The following MTF2 variants were observed in gnomAD, a reference collection of about 807,000 sequenced individuals.
MTF2 encodes the protein metal-response element-binding transcription factor 2.
MTF2 carries 11 observed loss-of-function variants against 79.5 expected under a neutral mutation model. That is an observed-to-expected ratio of 0.14 (90% CI 0.09 to 0.23). The LOEUF is 0.23. MTF2 is among the 10% of genes least tolerant of loss of function. The pLI, the probability that MTF2 is intolerant of heterozygous loss-of-function variation, is 1.00. For missense variants in MTF2, 486 were observed against 711.2 expected (o/e 0.68, Z 3.60); for synonymous variants, 208 against 232.8 (o/e 0.89, Z 0.97).
At chr1:93,111,204 G>C (rs1041585027) in intron 3 of MTF2, among the ~76,000 whole-genome samples, 1 of 152,064 alleles carries the variant, frequency 6.6e-6, no homozygotes, top group Admixed American at 6.5e-5. Context: ...ATTGTTTCAT[G>C]CTTTTAGCAT....
intron 11 of MTF2, 109 bp downstream of exon 11, chr1:93,129,557 G>GTT: frequency 6.0e-6 from 3 of 500,748 alleles, no homozygotes; most frequent in Non-Finnish European, 8.8e-6. Flanking sequence ...CAGTTACTCT[G>GTT]ATTTTTTTTT....
At chr1:93,127,900 T>C (rs535472222) in intron 10 of MTF2, among the ~76,000 whole-genome samples, 4 of 152,234 alleles carry the variant, frequency 2.6e-5, no homozygotes, top group African/African-American at 9.6e-5. Context: ...CTTAGAAACA[T>C]TTTTAAATGC....
rs772265842 is a variant in MTF2 at position 93,133,728 on chromosome 1, AAAG to A, written c.1187_1189del (p.Lys396_Gly397delinsArg). On this transcript the variant is annotated inframe_deletion, in exon 12 of 15. Transcript: ENST00000370298. ...GGAAGTAAGCAATGGCATAGAAAAA[AAAG>A]GAAAGAAAAAATCTGTAGGTCGTCC... The A allele has an allele frequency of 3.1e-6, 5 of 1,611,702 alleles. No individual in the cohort carries two copies. Among genetic ancestry groups the A allele is most frequent in the Non-Finnish European group, 1.7e-6 (2 of 1,179,230 alleles).
chr1:93,138,395 C>G lies in MTF2; in HGVS notation c.*1368C>G, dbSNP rs997919927. The G allele has an allele frequency of 6.6e-6, 1 of 151,944 alleles. No individual in the cohort carries two copies. The highest frequency in any genetic ancestry group is 6.6e-5 in the Admixed American group (1 of 15,252). The allele number at this position is 151,944 out of a possible 1,614,324, so 9.4% of individuals were successfully genotyped here. On this transcript the variant is annotated 3_prime_UTR_variant, in exon 15 of 15. Transcript: ENST00000370298. ...TTTAGACTAATTATGGGGGAATTTGCCACCAAAATAAAAAATATGTAAAGT... is the reference window on the plus strand; with the variant it reads ...TTTAGACTAATTATGGGGGAATTTGGCACCAAAATAAAAAATATGTAAAGT...
intron 9 of MTF2, among the ~76,000 whole-genome samples, chr1:93,122,151 A>G (rs1462882885): frequency 1.3e-5 from 2 of 152,196 alleles, no homozygotes; most frequent in Admixed American, 6.5e-5. Flanking sequence ...AGTAAGGGGT[A>G]AGGCATTAGA....
intron 1 of MTF2, among the ~76,000 whole-genome samples, chr1:93,084,137 C>G (rs1384740907): frequency 6.6e-6 from 1 of 151,686 alleles, no homozygotes; most frequent in Non-Finnish European, 1.5e-5. Flanking sequence ...CATTTAGGTC[C>G]GTCATCTATT....
At chr1:93,115,375 A>G (rs1197050964) in intron 5 of MTF2, 95 bp from the exon 6 acceptor site, 7 of 1,060,048 alleles carry the variant, frequency 6.6e-6, no homozygotes, top group African/African-American at 1.6e-5. Flanking sequence ...TTGGAAAGGA[A>G]ATTTCTCCAG....
intron 9 of MTF2, among the ~76,000 whole-genome samples, 157 bp from the exon 10 acceptor site, chr1:93,127,075 T>A (rs558469462): frequency 1.3e-5 from 2 of 152,250 alleles, no homozygotes; most frequent in Admixed American, 1.3e-4. Flanking sequence ...TGGCCCTAGG[T>A]CACATAATAG....
At chr1:93,131,046 AGGTGATACAAATTTGGAATCT>A (rs1571254379) in intron 11 of MTF2, among the ~76,000 whole-genome samples, 4 of 152,188 alleles carry the variant, frequency 2.6e-5, no homozygotes, top group Admixed American at 2.6e-4. Context: ...AGGTCTGGGC[AGGTGATACAAATTTGGAATCT>A]GATTGATAAA....
intron 1 of MTF2, among the ~76,000 whole-genome samples, chr1:93,102,978 A>G (rs1479996338): frequency 6.6e-6 from 1 of 151,926 alleles, no homozygotes; most frequent in African/African-American, 2.4e-5. Flanking sequence ...AAAATATGAA[A>G]AAAATTAGCC....
chr1:93,083,821 C>G (rs1242869793), intron 1 of MTF2, among the ~76,000 whole-genome samples: 1 of 152,144 alleles, frequency 6.6e-6, no homozygotes, highest in African/African-American at 2.4e-5. Flanking sequence ...TCACTTATGG[C>G]TAATTATATT....
In MTF2 at chr1:93,110,587, A is replaced by G. The variant is rs776901012; in HGVS notation, c.247A>G (p.Ser83Gly). ...KQSCFIIFEDSSKSWVLWKDI... is the reference protein window; with the variant it reads ...KQSCFIIFEDGSKSWVLWKDI... The stretch of plus-strand genomic sequence containing the variant: ...GAGCTGCTTCATCATATTTGAAGAC[A>G]GTTCTAAATCCTGGGTTCTCTGGAA... Residue 83 changes from serine to glycine, a missense_variant, in exon 3 of 15, where the codon AGT becomes GGT. Transcript: ENST00000370298. 6.2e-7 allele frequency: 1 copy of G among 1,613,812 alleles called. No individual in the cohort carries two copies. Among genetic ancestry groups the G allele is most frequent in the Non-Finnish European group, 8.5e-7 (1 of 1,179,760 alleles).
At chr1:93,104,568 A>G (rs1307260696) in intron 1 of MTF2, among the ~76,000 whole-genome samples, 4 of 151,378 alleles carry the variant, frequency 2.6e-5, no homozygotes, top group Admixed American at 6.6e-5. Context: ...AATCCCAGCT[A>G]TCCGGGAGGC....
rs1403235513 is a variant in MTF2, at chr1:93,079,383, G to A, written c.-144G>A. ...TCTACCCCCAACCCTTGTCTCCAAG[G>A]ACCTCGGTTTGTGCGTGCATATGTG... On this transcript the variant is annotated 5_prime_UTR_variant, in exon 1 of 15. Transcript: ENST00000370298. The A allele has an allele frequency of 2.0e-6, 2 of 982,628 alleles. No individual in the cohort carries two copies. The highest frequency in any genetic ancestry group is 1.4e-5 in the South Asian group (1 of 73,808). 60.9% of individuals were successfully genotyped at this position (982,628 alleles called of 1,614,324 possible). A position where few individuals can be genotyped will look rare whatever the true frequency, so the allele number is the denominator to read the frequency against.
At chr1:93,087,335 G>A (rs556703189) in intron 1 of MTF2, among the ~76,000 whole-genome samples, 6 of 152,268 alleles carry the variant, frequency 3.9e-5, no homozygotes, top group Middle Eastern at 6.8e-3. Context: ...ACTTTGGGAG[G>A]CCGAGGTGGG....
intron 1 of MTF2, among the ~76,000 whole-genome samples, chr1:93,090,942 C>T (rs1314119714): frequency 1.3e-5 from 2 of 152,098 alleles, no homozygotes; most frequent in African/African-American, 4.8e-5. Flanking sequence ...GGATTACAGG[C>T]GTGAGCCACC....
intron 14 of MTF2, among the ~76,000 whole-genome samples, chr1:93,135,473 C>CT (rs900599480): frequency 6.6e-6 from 1 of 152,118 alleles, no homozygotes; most frequent in African/African-American, 2.4e-5. Flanking sequence ...GAATAATCGA[C>CT]TTTTTTGGGG....
chr1:93,115,198 T>C (rs912002810), intron 5 of MTF2, 110 bp downstream of exon 5: 2 of 844,742 alleles, frequency 2.4e-6, no homozygotes, highest in Non-Finnish European at 3.7e-6. Flanking sequence ...CAATGAATGC[T>C]GGGTAGAAAG....
At chr1:93,091,191 T>C (rs1224343256) in intron 1 of MTF2, among the ~76,000 whole-genome samples, 1 of 152,220 alleles carries the variant, frequency 6.6e-6, no homozygotes, top group Admixed American at 6.5e-5. Context: ...AAACAGTTTT[T>C]ATTACTCATT....
Sources: allele counts gnomAD v4.1 joint callset (sites outside exome capture counted in the v4.1 genomes callset), GRCh38; gene constraint gnomAD v4.1.1; transcripts MANE v1.5; gene names NCBI Gene and HGNC (gene_info 2026-07-23, HGNC 2026-07-21).